The following MTMR7 variants were observed in gnomAD, a reference collection of about 807,000 sequenced individuals.
MTMR7 encodes the protein myotubularin related protein 7, also known as phosphatidylinositol-3-phosphate phosphatase MTMR7.
Under a neutral mutation model 81.2 loss-of-function variants are expected in MTMR7, and 76 were observed. The ratio of observed to expected loss-of-function variants is 0.94; its 90% CI spans 0.78 to 1.13. MTMR7 has a LOEUF of 1.13. Ranked by LOEUF, MTMR7 falls within the 50% of genes most tolerant of loss-of-function variation. The pLI is 0.00. For missense variants in MTMR7, 1,044 were observed against 820.0 expected (o/e 1.27, Z -3.34); for synonymous variants, 372 against 289.8 (o/e 1.28, Z -2.88).
At chr8:17,365,151 A>ATC (rs1481653990) in intron 3 of MTMR7, among the ~76,000 whole-genome samples, 1 of 152,112 alleles carries the variant, frequency 6.6e-6, no homozygotes, top group Non-Finnish European at 1.5e-5. Context: ...TTTAATTTGC[A>ATC]TCTCCCTAAT....
chr8:17,323,657 G>A (rs948337580), intron 7 of MTMR7, among the ~76,000 whole-genome samples: 2 of 152,004 alleles, frequency 1.3e-5, no homozygotes, highest in South Asian at 4.2e-4. Flanking sequence ...GGGGTGGGGG[G>A]TCATTCCACA....
intron 1 of MTMR7, among the ~76,000 whole-genome samples, chr8:17,385,513 T>C (rs1300900600): frequency 3.9e-5 from 6 of 152,184 alleles, no homozygotes; most frequent in Admixed American, 3.9e-4. Context: ...GTAAGAAGTC[T>C]CTTTGCTCTG....
chr8:17,387,591 C>T (rs950789356), intron 1 of MTMR7, among the ~76,000 whole-genome samples: 12 of 152,112 alleles, frequency 7.9e-5, no homozygotes, highest in Admixed American at 6.5e-4. Context: ...ATCGGTGTCC[C>T]AAGTGAAGAA....
intron 7 of MTMR7, among the ~76,000 whole-genome samples, chr8:17,330,624 G>C (rs767603688): frequency 1.3e-5 from 2 of 152,216 alleles, no homozygotes; most frequent in Non-Finnish European, 2.9e-5. Context: ...CTGTGGGTAC[G>C]TGTCTTGTCA....
chr8:17,396,750 G>A (rs1331472527), intron 1 of MTMR7, among the ~76,000 whole-genome samples: 1 of 151,870 alleles, frequency 6.6e-6, no homozygotes, highest in African/African-American at 2.4e-5. Flanking sequence ...AAGCTGGGGT[G>A]GCTAAGGGAA....
intron 1 of MTMR7, among the ~76,000 whole-genome samples, chr8:17,412,916 G>C (rs1283118366): frequency 6.6e-6 from 1 of 152,174 alleles, no homozygotes; most frequent in East Asian, 1.9e-4. Context: ...ACTACTCTGA[G>C]CGGCCAACAG....
chr8:17,338,199 T>G (rs1819307935), intron 6 of MTMR7, among the ~76,000 whole-genome samples: 1 of 152,254 alleles, frequency 6.6e-6, no homozygotes, highest in Admixed American at 6.5e-5. Flanking sequence ...AACCCCAGTT[T>G]TCTTTAATGG....
chr8:17,373,928 C>G (rs1304631089), intron 1 of MTMR7, among the ~76,000 whole-genome samples: 2 of 152,194 alleles, frequency 1.3e-5, no homozygotes, highest in East Asian at 1.9e-4. Flanking sequence ...GCACTGAGAT[C>G]ATCCTAACAT....
At chr8:17,330,940 C>G (rs1412646779) in intron 7 of MTMR7, among the ~76,000 whole-genome samples, 2 of 152,192 alleles carry the variant, frequency 1.3e-5, no homozygotes, top group Non-Finnish European at 2.9e-5. Context: ...GAGTCCCTGA[C>G]TGCTAACCAC....
intron 9 of MTMR7, among the ~76,000 whole-genome samples, chr8:17,310,716 C>T (rs986584443): frequency 1.3e-5 from 2 of 152,112 alleles, no homozygotes; most frequent in Non-Finnish European, 2.9e-5. Flanking sequence ...CGCTCTTGTC[C>T]GAGGGTGTTG....
chr8:17,353,859 CT>C (rs1819807759), intron 4 of MTMR7, among the ~76,000 whole-genome samples: 1 of 152,192 alleles, frequency 6.6e-6, no homozygotes, highest in African/African-American at 2.4e-5. Flanking sequence ...CAAGGGGAAT[CT>C]TTTGGTAACT....
intron 4 of MTMR7, 170 bp from the exon 5 acceptor site, chr8:17,349,251 G>A (rs1482904988): frequency 1.6e-5 from 11 of 671,502 alleles, no homozygotes; most frequent in Non-Finnish European, 2.2e-5. Context: ...GGAAGGAAGT[G>A]CCGCTGATTC....
At chr8:17,364,577 G>C (rs190915767) in intron 3 of MTMR7, among the ~76,000 whole-genome samples, 4 of 151,876 alleles carry the variant, frequency 2.6e-5, no homozygotes, top group African/African-American at 9.7e-5. Flanking sequence ...ATCTCCCCAC[G>C]TCCCCCACCC....
intron 2 of MTMR7, among the ~76,000 whole-genome samples, chr8:17,372,327 T>C (rs756167938): frequency 1.3e-5 from 2 of 152,180 alleles, no homozygotes; most frequent in Non-Finnish European, 2.9e-5. Flanking sequence ...ATGCCTGTAA[T>C]CCCAGTACTT....
intron 1 of MTMR7, among the ~76,000 whole-genome samples, chr8:17,392,945 G>T (rs77137477): frequency 6.6e-6 from 1 of 152,166 alleles, no homozygotes; most frequent in Non-Finnish European, 1.5e-5. Flanking sequence ...AATGTACTAT[G>T]TGCCATGTTA....
chr8:17,343,935 GCACAGATTAAAAACTCTT>G (rs1819478053), intron 5 of MTMR7, among the ~76,000 whole-genome samples: 1 of 152,166 alleles, frequency 6.6e-6, no homozygotes, highest in Non-Finnish European at 1.5e-5. Flanking sequence ...TGATGTCAGA[GCACAGATTAAAAACTCTT>G]CAGTTGTAAA....
chr8:17,351,104 T>C (rs1255036284), intron 4 of MTMR7, among the ~76,000 whole-genome samples: 1 of 152,216 alleles, frequency 6.6e-6, no homozygotes, highest in East Asian at 1.9e-4. Context: ...AAGAGACATG[T>C]AGTCATTGCA....
chr8:17,342,439 C>T (rs377269944), intron 5 of MTMR7, among the ~76,000 whole-genome samples: 53 of 152,308 alleles, frequency 3.5e-4, no homozygotes, highest in African/African-American at 1.2e-3. Flanking sequence ...GCAAATAGTC[C>T]TGTCATGTCA....
intron 8 of MTMR7, among the ~76,000 whole-genome samples, chr8:17,312,683 T>C (rs556245271): frequency 1.3e-5 from 2 of 151,688 alleles, no homozygotes; most frequent in South Asian, 4.2e-4. Flanking sequence ...CTGTAAAATC[T>C]AGAATAGTAC....
Sources: allele counts gnomAD v4.1 joint callset (sites outside exome capture counted in the v4.1 genomes callset), GRCh38; gene constraint gnomAD v4.1.1; transcripts MANE v1.5; gene names NCBI Gene and HGNC (gene_info 2026-07-23, HGNC 2026-07-21).